The following KAZN variants were observed in gnomAD, a reference collection of about 807,000 sequenced individuals.
KAZN encodes the protein kazrin, periplakin interacting protein.
Under a neutral mutation model 87.4 loss-of-function variants are expected in KAZN, and 40 were observed. The observed-to-expected ratio is 0.46, with a 90% CI of 0.36 to 0.60. The LOEUF is 0.60. Ranked by LOEUF, KAZN falls within the 20% of genes least tolerant of loss-of-function variation. KAZN has a pLI of 0.00. For missense variants in KAZN, 898 were observed against 1,073.9 expected (o/e 0.84, Z 2.29); for synonymous variants, 466 against 458.3 (o/e 1.02, Z -0.22).
At chr1:14,172,612 CTTA>C (rs1187053732) in intron 1 of KAZN, among the ~76,000 whole-genome samples, 1 of 152,184 alleles carries the variant, frequency 6.6e-6, no homozygotes, top group Non-Finnish European at 1.5e-5. Flanking sequence ...AAATCAATAC[CTTA>C]TTATGCTCTC....
intron 1 of KAZN, among the ~76,000 whole-genome samples, chr1:14,827,189 T>G (rs146630303): frequency 1.3e-5 from 2 of 152,186 alleles, no homozygotes; most frequent in African/African-American, 2.4e-5. Flanking sequence ...CCAGTAGTGA[T>G]TGACTTGAAA....
At chr1:13,980,360 A>G (rs1437756333) in intron 1 of KAZN, among the ~76,000 whole-genome samples, 2 of 152,212 alleles carry the variant, frequency 1.3e-5, no homozygotes, top group Non-Finnish European at 2.9e-5. Flanking sequence ...TTTTTAAAAC[A>G]TATAACTATA....
At chr1:14,644,163 C>A (rs375258363) in intron 1 of KAZN, among the ~76,000 whole-genome samples, 3 of 151,658 alleles carry the variant, frequency 2.0e-5, no homozygotes, top group Admixed American at 1.3e-4. Flanking sequence ...AGGTGCCCAC[C>A]ACCACGCCCA....
chr1:14,563,548 G>C (rs896156858), intron 2 of KAZN, among the ~76,000 whole-genome samples: 4 of 152,086 alleles, frequency 2.6e-5, no homozygotes, highest in Non-Finnish European at 5.9e-5. Flanking sequence ...TCACCTTCCT[G>C]GATTTATCTC....
chr1:14,960,002 G>A (rs78729288), intron 1 of KAZN, among the ~76,000 whole-genome samples: 1 of 152,164 alleles, frequency 6.6e-6, no homozygotes, highest in East Asian at 1.9e-4. Context: ...CTCTGCCCAC[G>A]GTGTCACCTT....
At chr1:14,060,357 C>A (rs1642743268) in intron 1 of KAZN, among the ~76,000 whole-genome samples, 1 of 91,240 alleles carries the variant, frequency 1.1e-5, no homozygotes. Context: ...AGCGAGACTC[C>A]ACCTCAAAAA....
intron 13 of KAZN, among the ~76,000 whole-genome samples, chr1:15,111,198 CA>C (rs1641600456): frequency 6.6e-6 from 1 of 152,210 alleles, no homozygotes; most frequent in Non-Finnish European, 1.5e-5. Context: ...TGAACTTTCT[CA>C]GCAAAATTTG....
intron 2 of KAZN, among the ~76,000 whole-genome samples, chr1:14,565,008 G>A (rs1180858494): frequency 8.4e-6 from 1 of 119,092 alleles, no homozygotes; most frequent in African/African-American, 2.5e-5. Context: ...AGGTTGAGAA[G>A]GAGAAACGAA....
intron 2 of KAZN, among the ~76,000 whole-genome samples, chr1:14,570,346 A>T (rs1674788242): frequency 6.6e-6 from 1 of 152,184 alleles, no homozygotes; most frequent in Non-Finnish European, 1.5e-5. Flanking sequence ...ATTTCAGAAC[A>T]TTACCATCTC....
In KAZN at chr1:14,536,826, G is replaced by T. The variant is rs1444250828; in HGVS notation, c.250-62157G>T. ...GAACCCGGGAGGCGGATGTTGCAGTGAGCCGAGATCACGCCATTGCACTCC... is the reference window on the plus strand; with the variant it reads ...GAACCCGGGAGGCGGATGTTGCAGTTAGCCGAGATCACGCCATTGCACTCC... On this transcript the variant is annotated intron_variant, in intron 2 of 16. Transcript: ENST00000636203. 1.3e-5 allele frequency among the ~76,000 whole-genome samples: 2 copies of T among 151,996 alleles called. 1 individual carries two copies. Among genetic ancestry groups the T allele is most frequent in the South Asian group, 4.2e-4 (2 of 4,810 alleles).
chr1:14,055,256 G>A (rs1460361424), intron 1 of KAZN, among the ~76,000 whole-genome samples: 1 of 152,238 alleles, frequency 6.6e-6, no homozygotes, highest in Non-Finnish European at 1.5e-5. Context: ...GTGAGTTGAT[G>A]TGTGTAATAA....
chr1:14,459,080 A>G (rs554281793), intron 2 of KAZN, among the ~76,000 whole-genome samples: 4 of 152,026 alleles, frequency 2.6e-5, no homozygotes, highest in Non-Finnish European at 5.9e-5. Context: ...GGACTCCCCC[A>G]AGCTTTGGCC....
chr1:14,041,819 T>C (rs1379848300), intron 1 of KAZN, among the ~76,000 whole-genome samples: 1 of 152,222 alleles, frequency 6.6e-6, no homozygotes, highest in East Asian at 1.9e-4. Flanking sequence ...TGAAAATGTC[T>C]TATTTCACCC....
rs142281716 is a variant in KAZN, at chr1:14,724,682, A to T, written c.226+125459A>T. The stretch of plus-strand genomic sequence containing the variant: ...TTTTTCTCCAGAACTGAAATGTTCC[A>T]TTAAAACTCATTTGTTTCCAACCTG... On this transcript the variant is annotated intron_variant, in intron 1 of 14. Coordinates refer to ENST00000376030, the MANE Select transcript of KAZN (RefSeq NM_201628.3). 2.8e-3 allele frequency among the ~76,000 whole-genome samples: 425 copies of T among 152,356 alleles called. 3 individuals carry two copies. The highest frequency in any genetic ancestry group is 5.0e-3 in the Non-Finnish European group (343 of 68,034).
At chr1:14,687,409 T>C (rs560539015) in intron 1 of KAZN, among the ~76,000 whole-genome samples, 16 of 152,290 alleles carry the variant, frequency 1.1e-4, no homozygotes, top group African/African-American at 3.9e-4. Context: ...AGGGGACAGC[T>C]TCTGCGGCTC....
chr1:15,027,678 C>G (rs894744259), intron 2 of KAZN, among the ~76,000 whole-genome samples: 7 of 152,074 alleles, frequency 4.6e-5, no homozygotes, highest in African/African-American at 1.2e-4. Context: ...GAAAGGGGGG[C>G]CCCCTGCTGG....
At chr1:14,572,581 C>T (rs894176419) in intron 2 of KAZN, among the ~76,000 whole-genome samples, 1 of 152,168 alleles carries the variant, frequency 6.6e-6, no homozygotes, top group Non-Finnish European at 1.5e-5. Context: ...TACAGTTTGC[C>T]GGCTGGCTTC....
Position 14,641,345 on chromosome 1 carries a change from G to T in KAZN, c.226+42122G>T, listed in dbSNP as rs1680393469. Among the ~76,000 whole-genome samples, 5 of 152,194 alleles carry T rather than the reference G, an allele frequency of 3.3e-5. No individual in the cohort carries two copies. In the South Asian group the frequency reaches 1.0e-3, roughly 32 times the overall value. ...GTTTCATGAGATATCCCTGCATCCA[G>T]TTGGTCTAGATTTGGCCCAGGATGA... On this transcript the variant is annotated intron_variant, in intron 1 of 14. Coordinates refer to ENST00000376030, the MANE Select transcript of KAZN (RefSeq NM_201628.3).
intron 1 of KAZN, among the ~76,000 whole-genome samples, chr1:13,893,913 A>G (rs1638933131): frequency 6.6e-6 from 1 of 152,168 alleles, no homozygotes; most frequent in African/African-American, 2.4e-5. Context: ...CTAGCTAGTG[A>G]AATGTTTGCC....
Sources: allele counts gnomAD v4.1 joint callset (sites outside exome capture counted in the v4.1 genomes callset), GRCh38; gene constraint gnomAD v4.1.1; transcripts MANE v1.5; gene names NCBI Gene and HGNC (gene_info 2026-07-23, HGNC 2026-07-21).